Variants in CASR observed in about 807,000 individuals in gnomAD.
CASR encodes the protein extracellular calcium-sensing receptor.
In CASR, 23 loss-of-function variants were observed where a neutral mutation model predicts 69.1. That is an observed-to-expected ratio of 0.33 (90% CI 0.24 to 0.47). The LOEUF (loss-of-function observed/expected upper bound fraction) is 0.47. Ranked by LOEUF, CASR falls within the 20% of genes least tolerant of loss-of-function variation. CASR has a pLI of 1.00. For synonymous variants in CASR, 541 were observed against 544.7 expected (o/e 0.99, Z 0.10); for missense variants, 924 against 1,356.1 (o/e 0.68, Z 5.00).
intron 1 of CASR, among the ~76,000 whole-genome samples, chr3:122,192,083 C>T (rs2073845218): frequency 1.3e-5 from 2 of 152,168 alleles, no homozygotes; most frequent in South Asian, 4.1e-4. Context: ...ATGTTCTTCA[C>T]AGTGAGAATT....
intron 1 of CASR, among the ~76,000 whole-genome samples, chr3:122,245,010 T>C (rs942411897): frequency 4.6e-5 from 7 of 152,170 alleles, no homozygotes; most frequent in Admixed American, 1.3e-4. Flanking sequence ...TTAAAAGTAA[T>C]GTACTTGTCT....
In CASR at chr3:122,284,151, T is replaced by A; in HGVS notation, c.2197T>A (p.Phe733Ile). 6.2e-7 allele frequency: 1 copy of A among 1,613,496 alleles called. No homozygotes were observed. The highest frequency in any genetic ancestry group is 8.5e-7 in the Non-Finnish European group (1 of 1,179,480). Reference protein sequence around the residue: ...LQFLLVFLCTFMQIVICVIWL... With the variant: ...LQFLLVFLCTIMQIVICVIWL... ...GTTCCTGCTGGTTTTCCTCTGCACC[T>A]TCATGCAGATTGTCATCTGTGTGAT... Residue 733 changes from phenylalanine (F) to isoleucine (I), a missense_variant, in exon 7 of 7, where the codon TTC (phenylalanine) becomes ATC (isoleucine). Physicochemically the swap from Phe to Ile is conservative, Grantham distance 21 (BLOSUM62 0). Coordinates refer to ENST00000639785, the MANE Select transcript of CASR (RefSeq NM_000388.4).
intron 1 of CASR, among the ~76,000 whole-genome samples, chr3:122,200,870 T>C (rs2073941588): frequency 6.6e-6 from 1 of 152,214 alleles, no homozygotes; most frequent in Non-Finnish European, 1.5e-5. Flanking sequence ...TTGCCAACAG[T>C]TGAATCATTG....
rs142745096 is a variant in CASR, at chr3:122,261,883, T to C, written c.848T>C (p.Ile283Thr). The change falls in exon 4 of 7, where the codon ATT becomes ACT. Residue 283 changes from isoleucine to threonine, a missense_variant. Ile to Thr is a moderately conservative substitution (Grantham distance 89, BLOSUM62 -1). This residue lies in a region of CASR where 310 missense variants were observed against 395.7 expected (regional missense o/e 0.78). Transcript: ENST00000639785. ...GPDLEPLIKE[I>T]VRRNITGKIW... ...GATCTTGAGCCCCTCATCAAGGAGA[T>C]TGTCCGGCGCAATATCACGGGCAAG... is the stretch of plus-strand genomic sequence containing the variant. The C allele has an allele frequency of 6.8e-5, 110 of 1,614,100 alleles. 1 individual carries two copies. The Middle Eastern group carries it at 1.2e-3, about 17-fold the overall frequency.
At chr3:122,254,816 T>G (rs902531541) in intron 2 of CASR, among the ~76,000 whole-genome samples, 8 of 152,288 alleles carry the variant, frequency 5.3e-5, no homozygotes, top group Middle Eastern at 3.4e-3. Context: ...TTTCTTTTTT[T>G]TAAGGCATTT....
intron 1 of CASR, among the ~76,000 whole-genome samples, chr3:122,231,159 A>T (rs2074274613): frequency 6.6e-6 from 1 of 152,174 alleles, no homozygotes; most frequent in South Asian, 2.1e-4. Context: ...CCCATCCACC[A>T]TGCAGACAGG....
At chr3:122,203,147 T>C (rs145302417) in intron 1 of CASR, among the ~76,000 whole-genome samples, 2 of 152,324 alleles carry the variant, frequency 1.3e-5, no homozygotes, top group East Asian at 1.9e-4. Context: ...ACATAACTTA[T>C]AAGAATCAAC....
chr3:122,200,009 G>A (rs765571541), intron 1 of CASR, among the ~76,000 whole-genome samples: 5 of 152,190 alleles, frequency 3.3e-5, no homozygotes, highest in Non-Finnish European at 5.9e-5. Flanking sequence ...CCCAGTTCAA[G>A]CGATTCTCCT....
chr3:122,259,859 T>G (rs1296474436), intron 3 of CASR, among the ~76,000 whole-genome samples: 1 of 152,160 alleles, frequency 6.6e-6, no homozygotes, highest in Non-Finnish European at 1.5e-5. Context: ...TGGAAATTTT[T>G]ACTTAAAAAT....
At chr3:122,188,310 A>G (rs534977996) in intron 1 of CASR, among the ~76,000 whole-genome samples, 35 of 152,348 alleles carry the variant, frequency 2.3e-4, no homozygotes, top group Admixed American at 2.1e-3. Context: ...CCACCACAGA[A>G]CTAAGTTACT....
intron 5 of CASR, among the ~76,000 whole-genome samples, chr3:122,276,430 G>A (rs879203178): frequency 5.3e-5 from 8 of 152,202 alleles, no homozygotes; most frequent in Admixed American, 1.3e-4. Context: ...TAGAGTGGAG[G>A]GGACTGCTTT....
Position 122,291,064 on chromosome 3 carries a change from A to G in CASR, c.*5873A>G, listed in dbSNP as rs1365640278. 1 of 147,146 alleles carries G rather than the reference A, an allele frequency of 6.8e-6. No homozygotes were observed. Among genetic ancestry groups the G allele is most frequent in the Non-Finnish European group, 1.5e-5 (1 of 66,602 alleles). 9.1% of individuals were successfully genotyped at this position (147,146 alleles called of 1,614,324 possible). The stretch of plus-strand genomic sequence containing the variant: ...TCCCTACAAAGGACACGAACTCCTC[A>G]TTTTTTATGGCTGCATAGTATTCCA... On this transcript the variant is annotated 3_prime_UTR_variant, in exon 7 of 7. Coordinates refer to ENST00000639785, the MANE Select transcript of CASR (RefSeq NM_000388.4).
intron 3 of CASR, among the ~76,000 whole-genome samples, chr3:122,258,056 C>CA (rs901194820): frequency 2.8e-4 from 43 of 151,810 alleles, no homozygotes; most frequent in African/African-American, 9.9e-4. Flanking sequence ...TTTTTTTCAC[C>CA]AAAAAAAGAT....
chr3:122,221,896 C>T (rs2074175562), intron 1 of CASR, among the ~76,000 whole-genome samples: 1 of 152,150 alleles, frequency 6.6e-6, no homozygotes. Flanking sequence ...TGCTCACCTC[C>T]CTCTTATTTC....
intron 1 of CASR, among the ~76,000 whole-genome samples, chr3:122,230,765 C>T (rs1328813025): frequency 6.6e-6 from 1 of 152,174 alleles, no homozygotes; most frequent in Non-Finnish European, 1.5e-5. Flanking sequence ...CACCAAAGCC[C>T]AGAGAAGGAA....
intron 1 of CASR, among the ~76,000 whole-genome samples, chr3:122,188,951 T>C (rs751926603): frequency 6.6e-5 from 10 of 152,138 alleles, no homozygotes; most frequent in Non-Finnish European, 1.3e-4. Context: ...TGTGTGATAG[T>C]GTTTGTTGAA....
intron 1 of CASR, among the ~76,000 whole-genome samples, chr3:122,232,250 C>T (rs746813723): frequency 2.0e-5 from 3 of 152,162 alleles, no homozygotes; most frequent in Middle Eastern, 6.8e-3. Flanking sequence ...CTGAGTATGC[C>T]AGCAATGAAC....
intron 1 of CASR, among the ~76,000 whole-genome samples, chr3:122,218,540 T>TC (rs1553762679): frequency 1.7e-4 from 7 of 40,242 alleles, no homozygotes; most frequent in Middle Eastern, 0.022. Flanking sequence ...AGACTCTGTC[T>TC]CAAAAAAAAA....
At chr3:122,208,618 C>T (rs1280773267) in intron 1 of CASR, among the ~76,000 whole-genome samples, 1 of 152,056 alleles carries the variant, frequency 6.6e-6, no homozygotes, top group African/African-American at 2.4e-5. Context: ...AATGATATTT[C>T]CTTCAACTCC....
Sources: allele counts gnomAD v4.1 joint callset (sites outside exome capture counted in the v4.1 genomes callset), GRCh38; gene constraint gnomAD v4.1.1; regional missense constraint gnomAD v4.1.1; transcripts MANE v1.5; gene names NCBI Gene and HGNC (gene_info 2026-07-23, HGNC 2026-07-21).